SMYD4: variants seen among roughly 807,000 people sequenced by gnomAD.
SMYD4 encodes the protein protein-lysine N-methyltransferase SMYD4.
A neutral mutation model predicts 72.8 loss-of-function variants in SMYD4; 68 were observed. That is an observed-to-expected ratio of 0.93 (90% CI 0.77 to 1.14). The LOEUF is 1.14. SMYD4 is among the 50% of genes most tolerant of loss of function. The pLI is 0.00. For synonymous variants in SMYD4, 407 were observed against 388.6 expected (o/e 1.05, Z -0.56); for missense variants, 984 against 1,003.7 (o/e 0.98, Z 0.27).
chr17:1,785,170 C>G (rs959084960), intron 7 of SMYD4, among the ~76,000 whole-genome samples: 36 of 149,768 alleles, frequency 2.4e-4, no homozygotes, highest in African/African-American at 8.5e-4. Flanking sequence ...CGCCTGTAAT[C>G]CCAGCACTTT....
In SMYD4 at chr17:1,781,063, G is replaced by A. The variant is rs1200411902; in HGVS notation, c.*223C>T. On this transcript the variant is annotated 3_prime_UTR_variant, in exon 11 of 11. Coordinates refer to ENST00000305513, the MANE Select transcript of SMYD4 (RefSeq NM_052928.3). The stretch of plus-strand genomic sequence containing the variant: ...GCCTCCCAAGTAGCTGGGATTACAG[G>A]TGCCCACCACCACGCCTGGCTAGTT... The A allele has an allele frequency of 1.3e-5, 5 of 395,004 alleles. No homozygotes were observed. Among genetic ancestry groups the A allele is most frequent in the African/African-American group, 2.1e-5 (1 of 47,224 alleles). 24.5% of individuals were successfully genotyped at this position (395,004 alleles called of 1,614,324 possible).
At chr17:1,829,002 G>T (rs1453028586) in intron 1 of SMYD4, among the ~76,000 whole-genome samples, 1 of 151,890 alleles carries the variant, frequency 6.6e-6, no homozygotes, top group Non-Finnish European at 1.5e-5. Flanking sequence ...ATAGTTCAGC[G>T]TTCTGATTAA....
At chr17:1,784,633 G>A (rs1857162290) in intron 7 of SMYD4, 172 bp from the exon 8 acceptor site, 3 of 935,986 alleles carry the variant, frequency 3.2e-6, no homozygotes, top group South Asian at 4.9e-5. Flanking sequence ...CGGCAATGGC[G>A]GCAATTCTAA....
At chr17:1,822,167 G>C (rs1052001711) in intron 2 of SMYD4, among the ~76,000 whole-genome samples, 1 of 152,034 alleles carries the variant, frequency 6.6e-6, no homozygotes, top group South Asian at 2.1e-4. Flanking sequence ...CTGGGAGGCA[G>C]AGGTTGCAGT....
At chr17:1,793,016 C>T (rs898120948) in intron 5 of SMYD4, among the ~76,000 whole-genome samples, 1 of 152,058 alleles carries the variant, frequency 6.6e-6, no homozygotes, top group Admixed American at 6.6e-5. Flanking sequence ...CTCCTGGGCC[C>T]GAGCCGCTGT....
chr17:1,800,440 G>A lies in SMYD4; in HGVS notation c.954C>T (p.Cys318=), dbSNP rs770437222. The part of the protein sequence containing the change: ...PCDGCSYAKY[C]SQECLQQAWE... ...AGGCCTGCTGCAAACACTCCTGGCT[G>A]CAATACTTGGCATAACTGCATCCGT... is the stretch of plus-strand genomic sequence containing the variant. Residue 318 remains cysteine, a synonymous_variant, in exon 5 of 11, where the codon TGC becomes TGT. Coordinates refer to ENST00000305513, the MANE Select transcript of SMYD4 (RefSeq NM_052928.3). 2.7e-5 allele frequency: 44 copies of A among 1,614,078 alleles called. No homozygotes were observed. In the Admixed American group the frequency reaches 6.8e-4, roughly 25 times the overall value.
chr17:1,782,958 C>T, intron 10 of SMYD4, 77 bp downstream of exon 10: 2 of 1,546,366 alleles, frequency 1.3e-6, no homozygotes, highest in Non-Finnish European at 1.7e-6. Flanking sequence ...TTTAAAAACA[C>T]CATAGAAAAA....
intron 3 of SMYD4, among the ~76,000 whole-genome samples, chr17:1,809,187 A>T (rs57642629): frequency 1.3e-5 from 2 of 151,308 alleles, no homozygotes; most frequent in African/African-American, 4.9e-5. Flanking sequence ...TACCCTTCAA[A>T]TTTAAACTTA....
rs1311962922 is a variant in SMYD4 at position 1,780,983 on chromosome 17, G to A, written c.*303C>T. On this transcript the variant is annotated 3_prime_UTR_variant, in exon 11 of 11. Coordinates refer to ENST00000305513, the MANE Select transcript of SMYD4 (RefSeq NM_052928.3). ...CACCTGGGCTGGAGTGCAGTGGAGC[G>A]ATCTCGGCTCACTGCAACCTCCGCC... is the stretch of plus-strand genomic sequence containing the variant. The A allele has an allele frequency of 3.7e-5, 8 of 215,376 alleles. No homozygotes were observed. The highest frequency in any genetic ancestry group is 9.5e-5 in the African/African-American group (4 of 42,006). 13.3% of individuals were successfully genotyped at this position (215,376 alleles called of 1,614,324 possible).
At chr17:1,789,003 T>C (rs1266610472) in intron 5 of SMYD4, among the ~76,000 whole-genome samples, 2 of 152,110 alleles carry the variant, frequency 1.3e-5, no homozygotes, top group African/African-American at 4.8e-5. Context: ...AATACCAGTA[T>C]TTAAAAGGAA....
intron 5 of SMYD4, among the ~76,000 whole-genome samples, chr17:1,790,726 A>T (rs1238212719): frequency 6.6e-6 from 1 of 151,974 alleles, no homozygotes; most frequent in East Asian, 2.0e-4. Flanking sequence ...CATGTTAGTC[A>T]GGCTAGTCTC....
At chr17:1,823,482 C>T (rs971962107) in intron 2 of SMYD4, among the ~76,000 whole-genome samples, 2 of 150,146 alleles carry the variant, frequency 1.3e-5, no homozygotes, top group African/African-American at 2.4e-5. Context: ...CCAAGATATT[C>T]TGGAATACGA....
At chr17:1,797,894 C>T (rs1031989953) in intron 5 of SMYD4, among the ~76,000 whole-genome samples, 1 of 151,826 alleles carries the variant, frequency 6.6e-6, no homozygotes, top group Middle Eastern at 3.4e-3. Context: ...CCCAGTTACT[C>T]GGGAGGCTGG....
chr17:1,794,077 A>ATATG lies in SMYD4; in HGVS notation c.1537+5779_1537+5780insCATA, dbSNP rs1440221464. Among the ~76,000 whole-genome samples the ATATG allele has an allele frequency of 1.7e-3, 76 of 43,666 alleles. 1 individual carries two copies. Among genetic ancestry groups the ATATG allele is most frequent in the African/African-American group, 6.7e-3 (72 of 10,802 alleles). 28.6% of individuals were successfully genotyped at this position (43,666 alleles called of 152,430 possible). A position where few individuals can be genotyped will look rare whatever the true frequency, so the allele number is the denominator to read the frequency against. ...TGTGTGTATATATATGTGTATATAT[A>ATATG]TGTGTATATATATATATATATATAT... On this transcript the variant is annotated intron_variant, in intron 5 of 10. Coordinates refer to ENST00000305513, the MANE Select transcript of SMYD4 (RefSeq NM_052928.3).
Position 1,812,077 on chromosome 17 carries a change from C to G in SMYD4, c.173G>C (p.Gly58Ala), listed in dbSNP as rs770392187. The G allele has an allele frequency of 1.2e-6, 2 of 1,614,062 alleles. No homozygotes were observed. Among genetic ancestry groups the G allele is most frequent in the South Asian group, 1.1e-5 (1 of 91,080 alleles). The change falls in exon 3 of 11, where the codon GGT (glycine) becomes GCT (alanine). Residue 58 changes from glycine to alanine, a missense_variant. Gly to Ala is a moderately conservative substitution (Grantham distance 60, BLOSUM62 0). Coordinates refer to ENST00000305513, the MANE Select transcript of SMYD4 (RefSeq NM_052928.3). ...GTCCGAGTCCTTTCCCACCAAGTAA[C>G]CTTTAGAAAGTCTTTTTAGAAACAG... ...DELFLKRLSK[G>A]YLVGKDSDAP...
chr17:1,827,008 C>T (rs1911214322), intron 2 of SMYD4, among the ~76,000 whole-genome samples: 1 of 151,898 alleles, frequency 6.6e-6, no homozygotes, highest in Non-Finnish European at 1.5e-5. Flanking sequence ...AAAATGTGAG[C>T]TGGGCATGAT....
chr17:1,796,318 G>A (rs866012904), intron 5 of SMYD4, among the ~76,000 whole-genome samples: 2 of 15,730 alleles, frequency 1.3e-4, no homozygotes, highest in Non-Finnish European at 3.7e-4. Context: ...TTTTTTTTTT[G>A]TAGAGATGGG....
chr17:1,804,367 G>A, intron 4 of SMYD4: 1 of 347,706 alleles, frequency 2.9e-6, no homozygotes, highest in Non-Finnish European at 5.6e-6. Flanking sequence ...AGTAGAGACA[G>A]GGTTCCACTG....
chr17:1,815,414 G>A lies in SMYD4; in HGVS notation c.135-3299C>T, dbSNP rs182675308. ...GATGTCTCAATACCTTGCCCAGGCT[G>A]TTCTCAAACTCCTGAGCTCAAGTGA... On this transcript the variant is annotated intron_variant, in intron 2 of 10. Coordinates refer to ENST00000305513, the MANE Select transcript of SMYD4 (RefSeq NM_052928.3). Among the ~76,000 whole-genome samples the A allele has an allele frequency of 4.6e-4, 69 of 151,122 alleles. 1 individual carries two copies. The highest frequency in any genetic ancestry group is 1.6e-3 in the African/African-American group (66 of 41,124).
Sources: allele counts gnomAD v4.1 joint callset (sites outside exome capture counted in the v4.1 genomes callset), GRCh38; gene constraint gnomAD v4.1.1; transcripts MANE v1.5; gene names NCBI Gene and HGNC (gene_info 2026-07-23, HGNC 2026-07-21).